Variants in OSMR observed in about 807,000 individuals in gnomAD.
OSMR encodes oncostatin M receptor.
A neutral mutation model predicts 99.9 loss-of-function variants in OSMR; 81 were observed. That is an observed-to-expected ratio of 0.81 (90% confidence interval 0.68 to 0.97). The LOEUF is 0.97. Among genes scored for constraint, OSMR ranks in the 50% least tolerant of loss-of-function variants. OSMR has a pLI of 0.00. For synonymous variants in OSMR, 406 were observed against 410.4 expected (o/e 0.99, Z 0.13); for missense variants, 1,099 against 1,153.4 (o/e 0.95, Z 0.68).
intron 4 of OSMR, 117 bp from the exon 5 acceptor site, chr5:38,883,710 A>C (rs750005665): frequency 3.0e-5 from 47 of 1,571,038 alleles, no homozygotes; most frequent in Non-Finnish European, 4.0e-5. Context: ...TTAGGTTGCT[A>C]TTTTCTCCAG....
Position 38,933,459 on chromosome 5 carries a change from T to G in OSMR, c.*15T>G. ...ACTACTGCTAACCAGCATGCCGATT[T>G]CATACCTTATGCTACACAGACATTA... On this transcript the variant is annotated 3_prime_UTR_variant, in exon 18 of 18. Transcript: ENST00000274276. 1 of 1,613,908 alleles carries G rather than the reference T, an allele frequency of 6.2e-7. No individual in the cohort carries two copies. The highest frequency in any genetic ancestry group is 1.3e-5 in the African/African-American group (1 of 75,038).
intron 7 of OSMR, among the ~76,000 whole-genome samples, chr5:38,891,300 C>T (rs1001757030): frequency 3.3e-5 from 5 of 152,116 alleles, no homozygotes; most frequent in African/African-American, 9.7e-5. Context: ...CAAGGTGCTC[C>T]CAGGAAGGAT....
intron 2 of OSMR, among the ~76,000 whole-genome samples, chr5:38,871,502 C>T (rs1410423135): frequency 2.0e-5 from 3 of 152,206 alleles, no homozygotes; most frequent in Non-Finnish European, 4.4e-5. Flanking sequence ...AACTATTTGG[C>T]TTACCACTTA....
chr5:38,918,302 G>A (rs955320783), intron 10 of OSMR, among the ~76,000 whole-genome samples: 1 of 152,114 alleles, frequency 6.6e-6, no homozygotes, highest in Non-Finnish European at 1.5e-5. Context: ...GGGAGGGGAG[G>A]CCTGAGGAAC....
At chr5:38,942,017 C>A in intron 1 of OSMR, 1 of 301,836 alleles carries the variant, frequency 3.3e-6, no homozygotes, top group Non-Finnish European at 6.1e-6. Context: ...AATAGAAAAC[C>A]TATGTAGGTA....
intron 12 of OSMR, 75 bp from the exon 13 acceptor site, chr5:38,923,075 C>A: frequency 6.3e-7 from 1 of 1,593,270 alleles, no homozygotes; most frequent in Non-Finnish European, 8.6e-7. Flanking sequence ...CGTGTCATGC[C>A]TTTTCATTCT....
At chr5:38,864,739 T>C (rs1741804663) in intron 1 of OSMR, among the ~76,000 whole-genome samples, 1 of 152,192 alleles carries the variant, frequency 6.6e-6, no homozygotes, top group Non-Finnish European at 1.5e-5. Flanking sequence ...GAATATCTTT[T>C]GGGATCTCTG....
chr5:38,899,781 G>A (rs562326788), intron 7 of OSMR, among the ~76,000 whole-genome samples: 2 of 152,172 alleles, frequency 1.3e-5, no homozygotes, highest in Non-Finnish European at 2.9e-5. Context: ...TGGTATCCAA[G>A]ATGCAAGACA....
chr5:38,940,263 C>CA (rs199955000), downstream of OSMR: 1,156 of 210,700 alleles, frequency 5.5e-3, 10 homozygotes, highest in African/African-American at 0.018. Flanking sequence ...GTGTGTAAGA[C>CA]AAAAAAAAAA....
intron 1 of OSMR, among the ~76,000 whole-genome samples, chr5:38,862,446 G>C (rs1741506242): frequency 6.6e-6 from 1 of 150,706 alleles, no homozygotes. Context: ...CTCCCGGACG[G>C]GTGGCTGCTG....
intron 1 of OSMR, among the ~76,000 whole-genome samples, chr5:38,860,086 C>T (rs1014804248): frequency 1.3e-5 from 2 of 152,148 alleles, no homozygotes; most frequent in Non-Finnish European, 2.9e-5. Context: ...ATTGCTTTAG[C>T]TAAGACTTCC....
chr5:38,930,697 T>G (rs1381316056), intron 15 of OSMR, among the ~76,000 whole-genome samples: 1 of 152,198 alleles, frequency 6.6e-6, no homozygotes, highest in African/African-American at 2.4e-5. Flanking sequence ...AGAAAAGATG[T>G]TTATTTGGGA....
intron 7 of OSMR, among the ~76,000 whole-genome samples, chr5:38,887,929 T>C (rs962938690): frequency 6.6e-6 from 1 of 152,190 alleles, no homozygotes; most frequent in African/African-American, 2.4e-5. Context: ...ACGGCTCCAA[T>C]GACTGGAGGA....
In OSMR at chr5:38,921,903, T is replaced by G. The variant is rs1746253918; in HGVS notation, c.1765+109T>G. 3.2e-6 allele frequency: 3 copies of G among 925,314 alleles called. No individual in the cohort carries two copies. The Admixed American group carries it at 5.7e-5, about 18-fold the overall frequency. 57.3% of individuals were successfully genotyped at this position (925,314 alleles called of 1,614,324 possible). ...TTTGACTGTGCTAAGCTAGTAATTT[T>G]GAAACGACAAATCCAGCATGGGTGT... On this transcript the variant is annotated intron_variant, in intron 12 of 17. Coordinates refer to ENST00000274276, the MANE Select transcript of OSMR (RefSeq NM_003999.3).
intron 2 of OSMR, among the ~76,000 whole-genome samples, chr5:38,873,688 G>A (rs774621332): frequency 2.6e-5 from 4 of 152,208 alleles, no homozygotes; most frequent in East Asian, 1.9e-4. Context: ...CTTCATGGGT[G>A]TGAAATGGTA....
intron 11 of OSMR, 147 bp from the exon 12 acceptor site, chr5:38,921,468 C>A (rs1315576871): frequency 6.7e-7 from 1 of 1,492,870 alleles, no homozygotes; most frequent in Non-Finnish European, 8.9e-7. Context: ...ATGAAAACAT[C>A]CCCCACCCAA....
At chr5:38,941,568 A>T (rs1049754097) in intron 1 of OSMR, 1 of 231,168 alleles carries the variant, frequency 4.3e-6, no homozygotes, top group African/African-American at 2.2e-5. Context: ...ATAAAAAATG[A>T]TTTTTAAATT....
chr5:38,929,113 A>G (rs757648946), intron 15 of OSMR, among the ~76,000 whole-genome samples: 3 of 152,290 alleles, frequency 2.0e-5, no homozygotes, highest in Non-Finnish European at 4.4e-5. Flanking sequence ...ACTAGCATCC[A>G]ATTAACTGTA....
In OSMR at chr5:38,934,839, T is replaced by TTTA. The variant is rs1274670868; in HGVS notation, c.*1398_*1400dup. 3.3e-5 allele frequency: 5 copies of TTTA among 151,542 alleles called. No individual in the cohort carries two copies. Among genetic ancestry groups the TTTA allele is most frequent in the African/African-American group, 1.2e-4 (5 of 41,154 alleles). The allele number at this position is 151,542 out of a possible 1,614,324, so 9.4% of individuals were successfully genotyped here. On this transcript the variant is annotated 3_prime_UTR_variant, in exon 18 of 18. Coordinates refer to ENST00000274276, the MANE Select transcript of OSMR (RefSeq NM_003999.3). ...CATTATTTGTCACATTTATTTTACT[T>TTTA]TTATTTATTTTTTGAGATGAAATTT...
Sources: gnomAD v4.1 joint callset for allele counts (sites outside exome capture counted in the v4.1 genomes callset) on GRCh38, gnomAD v4.1.1 for gene constraint, MANE v1.5 for transcripts, NCBI Gene and HGNC (gene_info 2026-07-23, HGNC 2026-07-21) for gene names.